TANC2: variants seen among roughly 807,000 people sequenced by gnomAD.
The protein encoded by TANC2 is tetratricopeptide repeat, ankyrin repeat and coiled-coil containing 2, also known as protein TANC2.
TANC2 carries 26 observed loss-of-function variants against 210.5 expected under a neutral mutation model. The ratio of observed to expected loss-of-function variants is 0.12; its 90% CI spans 0.09 to 0.17. TANC2 has a LOEUF of 0.17. Ranked by LOEUF, TANC2 falls within the 10% of genes least tolerant of loss-of-function variation. The pLI, the probability that TANC2 is intolerant of heterozygous loss-of-function variation, is 1.00. For synonymous variants in TANC2, 931 were observed against 967.1 expected, an observed-to-expected ratio of 0.96 and a Z score of 0.69; for missense variants, 2,129 against 2,608.9, an observed-to-expected ratio of 0.82 and a Z score of 4.01.
intron 2 of TANC2, among the ~76,000 whole-genome samples, chr17:63,018,048 C>G (rs2034184194): frequency 6.6e-6 from 1 of 151,950 alleles, no homozygotes; most frequent in Admixed American, 6.6e-5. Context: ...TCACTTGACC[C>G]TGGGAGTTGT....
At chr17:63,058,447 T>G (rs1013869810) in intron 2 of TANC2, among the ~76,000 whole-genome samples, 2 of 152,222 alleles carry the variant, frequency 1.3e-5, no homozygotes, top group African/African-American at 4.8e-5. Flanking sequence ...TTATCAATTT[T>G]TGCTTTTGTG....
chr17:63,227,380 G>T (rs886470292), intron 7 of TANC2, among the ~76,000 whole-genome samples: 1 of 152,046 alleles, frequency 6.6e-6, no homozygotes, highest in Non-Finnish European at 1.5e-5. Context: ...TCATACGTTG[G>T]CTGCATAAAT....
chr17:63,339,582 T>A (rs1420647918), intron 11 of TANC2, among the ~76,000 whole-genome samples: 1 of 152,260 alleles, frequency 6.6e-6, no homozygotes, highest in Admixed American at 6.5e-5. Context: ...CATTTAATGC[T>A]AATTTTAAAA....
intron 14 of TANC2, among the ~76,000 whole-genome samples, chr17:63,358,423 G>GTA (rs2046854310): frequency 6.7e-6 from 1 of 148,188 alleles, no homozygotes; most frequent in African/African-American, 2.5e-5. Flanking sequence ...ATGTGTGTGT[G>GTA]TATCAAACTG....
chr17:63,128,668 G>A lies in TANC2; in HGVS notation c.323-22602G>A, dbSNP rs75263918. On this transcript the variant is annotated intron_variant, in intron 4 of 27. Coordinates refer to ENST00000689528, the Ensembl canonical transcript of TANC2. Reference sequence around the variant, plus strand: ...TGCAACATTTTAGAAAAACCAATCCGCTACTAGTCCCTGTCGGTGTAGGAT... The same window carrying A: ...TGCAACATTTTAGAAAAACCAATCCACTACTAGTCCCTGTCGGTGTAGGAT... 8.5e-3 allele frequency among the ~76,000 whole-genome samples: 1,298 copies of A among 152,210 alleles called. 16 individuals carry two copies. The highest frequency in any genetic ancestry group is 0.029 in the African/African-American group (1,190 of 41,528).
intron 3 of TANC2, among the ~76,000 whole-genome samples, chr17:63,098,344 T>C (rs2037465702): frequency 3.3e-5 from 5 of 151,756 alleles, no homozygotes; most frequent in Admixed American, 3.3e-4. Context: ...CAGTTCCTAC[T>C]TTCTCCTAGA....
At chr17:63,237,601 G>T (rs2042655852) in intron 7 of TANC2, among the ~76,000 whole-genome samples, 1 of 152,018 alleles carries the variant, frequency 6.6e-6, no homozygotes, top group Admixed American at 6.6e-5. Flanking sequence ...CTAGTCTTAG[G>T]ATTAAGTCTT....
chr17:63,234,629 G>C (rs1303256929), intron 7 of TANC2, among the ~76,000 whole-genome samples: 1 of 142,784 alleles, frequency 7.0e-6, no homozygotes, highest in Non-Finnish European at 1.5e-5. Flanking sequence ...ACAGAGCTGG[G>C]TGCTAAAAGT....
chr17:63,115,800 T>C (rs2038227882), intron 4 of TANC2, among the ~76,000 whole-genome samples: 1 of 152,216 alleles, frequency 6.6e-6, no homozygotes, highest in Admixed American at 6.5e-5. Context: ...AGGAATAAGG[T>C]AGAAAATGCT....
intron 5 of TANC2, among the ~76,000 whole-genome samples, chr17:63,167,769 C>T (rs1210371338): frequency 2.6e-5 from 4 of 151,100 alleles, no homozygotes; most frequent in African/African-American, 4.9e-5. Flanking sequence ...CCTGTAATTC[C>T]AGCTGCTCAG....
rs1056061044 is a variant in TANC2 at position 63,107,818 on chromosome 17, C to G, written c.322+8461C>G. Among the ~76,000 whole-genome samples the G allele has an allele frequency of 1.3e-5, 2 of 151,508 alleles. 1 individual carries two copies. Among genetic ancestry groups the G allele is most frequent in the Non-Finnish European group, 2.9e-5 (2 of 68,010 alleles). ...GTGGTTACCTAAGGGAAAGGGGTCA[C>G]CAACGATGGTATAGGTAGTGAATGC... On this transcript the variant is annotated intron_variant, in intron 4 of 27. Coordinates refer to ENST00000689528, the Ensembl canonical transcript of TANC2.
chr17:63,096,747 G>A (rs1232275427), intron 3 of TANC2, among the ~76,000 whole-genome samples: 3 of 152,004 alleles, frequency 2.0e-5, no homozygotes, highest in East Asian at 1.9e-4. Flanking sequence ...ACCTGTTTTC[G>A]TATCTTTGGG....
intron 1 of TANC2, among the ~76,000 whole-genome samples, chr17:62,968,200 A>G (rs979845024): frequency 2.0e-5 from 3 of 152,252 alleles, no homozygotes; most frequent in Non-Finnish European, 4.4e-5. Flanking sequence ...TATACATACA[A>G]TGAGTGTGAA....
At chr17:63,016,602 A>G (rs968232196) in intron 2 of TANC2, among the ~76,000 whole-genome samples, 1 of 152,140 alleles carries the variant, frequency 6.6e-6, no homozygotes, top group Admixed American at 6.5e-5. Context: ...TCTGGGTCAT[A>G]TGGTAATTTT....
At chr17:63,158,363 G>A (rs2039909895) in intron 5 of TANC2, among the ~76,000 whole-genome samples, 1 of 152,112 alleles carries the variant, frequency 6.6e-6, no homozygotes, top group Non-Finnish European at 1.5e-5. Context: ...TTTCTCACAT[G>A]TATATACTAT....
intron 4 of TANC2, among the ~76,000 whole-genome samples, chr17:63,139,427 A>G (rs1356067345): frequency 6.6e-6 from 1 of 152,158 alleles, no homozygotes; most frequent in Non-Finnish European, 1.5e-5. Context: ...GGAATTCCAG[A>G]CCATCCTGGC....
chr17:63,352,839 A>G (rs1175775138), intron 13 of TANC2, among the ~76,000 whole-genome samples: 1 of 152,124 alleles, frequency 6.6e-6, no homozygotes, highest in Non-Finnish European at 1.5e-5. Context: ...GGACTGTTCT[A>G]GGGGCTGGAG....
intron 5 of TANC2, among the ~76,000 whole-genome samples, chr17:63,161,005 TG>T (rs1450159964): frequency 6.6e-6 from 1 of 152,208 alleles, no homozygotes; most frequent in African/African-American, 2.4e-5. Context: ...AGATGTATTA[TG>T]ACTGAAAAGG....
At chr17:63,062,202 A>G (rs760738226) in intron 2 of TANC2, among the ~76,000 whole-genome samples, 8 of 151,900 alleles carry the variant, frequency 5.3e-5, no homozygotes, top group Non-Finnish European at 1.2e-4. Context: ...ATTTTTGTTT[A>G]AAATTAGTTT....
Sources: gnomAD v4.1 joint callset for allele counts (sites outside exome capture counted in the v4.1 genomes callset) on GRCh38, gnomAD v4.1.1 for gene constraint, MANE v1.5 for transcripts, NCBI Gene and HGNC (gene_info 2026-07-23, HGNC 2026-07-21) for gene names.